CAMK1D: variants seen among roughly 807,000 people sequenced by gnomAD.
CAMK1D encodes the protein calcium/calmodulin dependent protein kinase ID, also known as calcium/calmodulin-dependent protein kinase type 1D.
CAMK1D carries 9 observed loss-of-function variants against 47.7 expected under a neutral mutation model. That is an observed-to-expected ratio of 0.19 (90% CI 0.11 to 0.33). CAMK1D has a LOEUF of 0.33. Ranked by LOEUF, CAMK1D falls within the 10% of genes least tolerant of loss-of-function variation. The pLI is 1.00. For missense variants in CAMK1D, 291 were observed against 488.7 expected (o/e 0.60, Z 3.81); for synonymous variants, 184 against 184.9 (o/e 0.99, Z 0.04).
At chr10:12,586,466 A>G (rs1012330899) in intron 2 of CAMK1D, among the ~76,000 whole-genome samples, 2 of 148,342 alleles carry the variant, frequency 1.3e-5, no homozygotes, top group South Asian at 4.3e-4. Flanking sequence ...AAAAAAAAAA[A>G]AAAAAAAATT....
At chr10:12,518,976 A>C (rs1835299376) in intron 1 of CAMK1D, among the ~76,000 whole-genome samples, 3 of 124,264 alleles carry the variant, frequency 2.4e-5, no homozygotes, top group South Asian at 3.2e-4. Context: ...CATTGTCATC[A>C]TGGCCCATCC....
At chr10:12,482,326 G>A (rs1834088311) in intron 1 of CAMK1D, among the ~76,000 whole-genome samples, 1 of 152,186 alleles carries the variant, frequency 6.6e-6, no homozygotes. Context: ...GGTCACCTTT[G>A]GAGCTGGGTG....
intron 5 of CAMK1D, 32 bp from the exon 6 acceptor site, chr10:12,791,126 T>A (rs773438996): frequency 3.7e-6 from 6 of 1,609,270 alleles, no homozygotes; most frequent in Non-Finnish European, 5.1e-6. Flanking sequence ...ATGTAAATTG[T>A]CAGGCTGTGT....
At chr10:12,381,581 C>T (rs1363911984) in intron 1 of CAMK1D, among the ~76,000 whole-genome samples, 1 of 152,164 alleles carries the variant, frequency 6.6e-6, no homozygotes, top group Non-Finnish European at 1.5e-5. Context: ...CTGCCTTGGC[C>T]TCCCAAAGTG....
intron 1 of CAMK1D, among the ~76,000 whole-genome samples, chr10:12,387,409 A>ATATATATTT (rs1207416018): frequency 2.4e-4 from 9 of 38,000 alleles, no homozygotes; most frequent in Non-Finnish European, 5.6e-4. Context: ...TTTATATATT[A>ATATATATTT]TATATATTTT....
Position 12,704,984 on chromosome 10 carries a change from A to G in CAMK1D, c.299+38174A>G, listed in dbSNP as rs548960408. The stretch of plus-strand genomic sequence containing the variant: ...AGAGGCAGTGGCTAGGCTCTCTTTC[A>G]TAGTCTAGTGTTCCTTCTCTGTAGT... On this transcript the variant is annotated intron_variant, in intron 3 of 10. Coordinates refer to ENST00000619168, the MANE Select transcript of CAMK1D (RefSeq NM_153498.4). 6.6e-5 allele frequency among the ~76,000 whole-genome samples: 10 copies of G among 152,298 alleles called. No individual in the cohort carries two copies. In the East Asian group the frequency reaches 1.9e-3, roughly 29 times the overall value.
At chr10:12,364,841 T>C (rs571514075) in intron 1 of CAMK1D, among the ~76,000 whole-genome samples, 41 of 152,088 alleles carry the variant, frequency 2.7e-4, no homozygotes, top group Non-Finnish European at 5.3e-4. Context: ...ACTTAGACTT[T>C]TAGGAGTCGC....
chr10:12,628,009 A>C (rs939842588), intron 2 of CAMK1D, among the ~76,000 whole-genome samples: 1 of 151,722 alleles, frequency 6.6e-6, no homozygotes, highest in Non-Finnish European at 1.5e-5. Context: ...TGAACCTGGA[A>C]GGCAGAGGTT....
At chr10:12,771,672 G>C (rs79483995) in intron 5 of CAMK1D, among the ~76,000 whole-genome samples, 2 of 152,216 alleles carry the variant, frequency 1.3e-5, no homozygotes, top group Admixed American at 6.5e-5. Flanking sequence ...TCGCAGGGGG[G>C]CTCAATTCCC....
intron 2 of CAMK1D, among the ~76,000 whole-genome samples, chr10:12,601,925 G>A (rs999913404): frequency 1.3e-5 from 2 of 152,238 alleles, no homozygotes; most frequent in African/African-American, 4.8e-5. Context: ...GGAGGAAACA[G>A]GAAGAAGCCC....
intron 2 of CAMK1D, among the ~76,000 whole-genome samples, chr10:12,619,661 A>G (rs1021317940): frequency 7.9e-5 from 12 of 152,192 alleles, no homozygotes; most frequent in Admixed American, 2.6e-4. Flanking sequence ...AGATTCACAT[A>G]CAATTATAAG....
rs34038018 is a variant in CAMK1D, at chr10:12,573,831, C to CTTTTTTTTTTTTTTTTTTT, written c.224+20482_224+20500dup. ...CACCATGCCTGGCTTATTAAAAAAACTTTTTTTTTTTTTTTTTTTTTTTTT... is the reference window on the plus strand; with the variant it reads ...CACCATGCCTGGCTTATTAAAAAAACTTTTTTTTTTTTTTTTTTTTTTTTTTTTTTTTTTTTTTTTTTTT... On this transcript the variant is annotated intron_variant, in intron 2 of 10. Coordinates refer to ENST00000619168, the MANE Select transcript of CAMK1D (RefSeq NM_153498.4). 2.0e-4 allele frequency among the ~76,000 whole-genome samples: 13 copies of CTTTTTTTTTTTTTTTTTTT among 64,090 alleles called. 1 individual carries two copies. Among genetic ancestry groups the CTTTTTTTTTTTTTTTTTTT allele is most frequent in the African/African-American group, 7.0e-4 (13 of 18,456 alleles). 42.0% of individuals were successfully genotyped at this position (64,090 alleles called of 152,430 possible).
intron 1 of CAMK1D, among the ~76,000 whole-genome samples, chr10:12,408,269 C>T (rs1399323084): frequency 6.6e-6 from 1 of 152,102 alleles, no homozygotes; most frequent in Non-Finnish European, 1.5e-5. Context: ...TCACGCCATA[C>T]TCCTGCCTCA....
chr10:12,564,006 T>C (rs2132297195), intron 2 of CAMK1D, among the ~76,000 whole-genome samples: 1 of 152,306 alleles, frequency 6.6e-6, no homozygotes, highest in Non-Finnish European at 1.5e-5. Flanking sequence ...CTTTCTTCTG[T>C]AAACTTACTT....
intron 1 of CAMK1D, among the ~76,000 whole-genome samples, chr10:12,358,214 G>T (rs529219243): frequency 1.3e-5 from 2 of 152,254 alleles, no homozygotes; most frequent in South Asian, 4.1e-4. Flanking sequence ...GACAGAGAGA[G>T]ACCGTGTCCC....
At chr10:12,630,657 G>A (rs1003882907) in intron 2 of CAMK1D, among the ~76,000 whole-genome samples, 1 of 152,022 alleles carries the variant, frequency 6.6e-6, no homozygotes, top group Non-Finnish European at 1.5e-5. Flanking sequence ...GGCCTCAAGT[G>A]ATCCTCCCAC....
At chr10:12,553,195 A>G in intron 1 of CAMK1D, 30 bp from the exon 2 acceptor site, 1 of 1,613,330 alleles carries the variant, frequency 6.2e-7, no homozygotes, top group Non-Finnish European at 8.5e-7. Context: ...TTCTGCATCT[A>G]AGTGTTCTTT....
At chr10:12,506,777 C>T (rs1167195779) in intron 1 of CAMK1D, among the ~76,000 whole-genome samples, 1 of 152,190 alleles carries the variant, frequency 6.6e-6, no homozygotes, top group African/African-American at 2.4e-5. Context: ...CTCAGCCTCC[C>T]AAAGTGCTGG....
At chr10:12,644,287 A>G (rs924509532) in intron 2 of CAMK1D, among the ~76,000 whole-genome samples, 1 of 152,204 alleles carries the variant, frequency 6.6e-6, no homozygotes, top group African/African-American at 2.4e-5. Flanking sequence ...TTCCCAACGA[A>G]AACAAATGTT....
Sources: allele counts gnomAD v4.1 joint callset (sites outside exome capture counted in the v4.1 genomes callset), GRCh38; gene constraint gnomAD v4.1.1; transcripts MANE v1.5; gene names NCBI Gene and HGNC (gene_info 2026-07-23, HGNC 2026-07-21).